The following NDRG2 variants were observed in gnomAD, a reference collection of about 807,000 sequenced individuals.
NDRG2 encodes the protein protein NDRG2.
NDRG2 carries 34 observed loss-of-function variants against 58.2 expected under a neutral mutation model. That is an observed-to-expected ratio of 0.58 (90% confidence interval 0.44 to 0.78). NDRG2 has a LOEUF of 0.78. Ranked by LOEUF, NDRG2 falls within the 30% of genes least tolerant of loss-of-function variation. The pLI, the probability that NDRG2 is intolerant of heterozygous loss-of-function variation, is 0.00. For synonymous variants in NDRG2, 187 were observed against 175.9 expected (o/e 1.06, Z -0.50); for missense variants, 434 against 471.2 (o/e 0.92, Z 0.73).
At position 21,070,109 on chromosome 14, in the gene NDRG2, G is replaced by A. The variant is rs550760223; in HGVS notation, c.24+719C>T. Among the ~76,000 whole-genome samples the A allele has an allele frequency of 6.6e-6, 1 of 152,036 alleles. No individual in the cohort carries two copies. Among genetic ancestry groups the A allele is most frequent in the Non-Finnish European group, 1.5e-5 (1 of 67,916 alleles). ...TGCCGGTGAACGGGACGGATAGGCT[G>A]GGGACGCCCGGGGAACGGCAGAGAT... On this transcript the variant is annotated intron_variant, in intron 1 of 14. Transcript: ENST00000403829. This position sits in a 1 kb window ranked among gnomAD's most constrained non-coding sequence, Gnocchi z 4.7.
chr14:21,030,294 G>A, upstream of NDRG2: 1 of 367,700 alleles, frequency 2.7e-6, no homozygotes, highest in Non-Finnish European at 5.1e-6. Flanking sequence ...CCACCATCCG[G>A]GTACTCTAAG....
In NDRG2 at chr14:21,016,922, C is replaced by T. The variant is rs1485669805; in HGVS notation, c.*674G>A. 1 of 456,566 alleles carries T rather than the reference C, an allele frequency of 2.2e-6. No individual in the cohort carries two copies. The highest frequency in any genetic ancestry group is 6.9e-5 in the East Asian group (1 of 14,404). The allele number at this position is 456,566 out of a possible 1,614,324, so 28.3% of individuals were successfully genotyped here. A position where few individuals can be genotyped will look rare whatever the true frequency, so the allele number is the denominator to read the frequency against. ...AGCCCAGCCCAAGCTTAGCTCCCTC[C>T]CCAGTCCCACTCTAGATGCACACTG... On this transcript the variant is annotated 3_prime_UTR_variant, in exon 16 of 16. Coordinates refer to ENST00000556147, the MANE Select transcript of NDRG2 (RefSeq NM_001320329.2).
chr14:21,027,187 G>C (rs1186635621), upstream of NDRG2, among the ~76,000 whole-genome samples: 4 of 152,142 alleles, frequency 2.6e-5, no homozygotes, highest in African/African-American at 4.8e-5. Context: ...CAGAAGTAAG[G>C]CTGGTTCTCC....
chr14:21,028,167 G>A (rs961217103), upstream of NDRG2, among the ~76,000 whole-genome samples: 3 of 152,166 alleles, frequency 2.0e-5, no homozygotes, highest in African/African-American at 7.2e-5. Flanking sequence ...AGCCTGTCAA[G>A]TGTATAGCAA....
chr14:21,069,034 G>T (rs923103234), intron 1 of NDRG2, among the ~76,000 whole-genome samples: 2 of 152,222 alleles, frequency 1.3e-5, no homozygotes, highest in Non-Finnish European at 2.9e-5. Flanking sequence ...CCAGCTGCAG[G>T]GGCACACGCG....
chr14:21,020,814 T>G lies in NDRG2; in HGVS notation c.438A>C (p.Gly146=). The part of the protein sequence containing the change: ...NFSTIIGVGV[G]AGAYILARYA... The stretch of plus-strand genomic sequence containing the variant: ...ATCTCGCCAGGATGTAGGCTCCAGC[T>G]CCAACACCAACTCCAATTATTGTAG... Residue 146 remains glycine, a synonymous_variant, in exon 7 of 16, where the codon GGA becomes GGC. Coordinates refer to ENST00000556147, the MANE Select transcript of NDRG2 (RefSeq NM_001320329.2). 1 of 1,613,678 alleles carries G rather than the reference T, an allele frequency of 6.2e-7. No individual in the cohort carries two copies. Among genetic ancestry groups the G allele is most frequent in the South Asian group, 1.1e-5 (1 of 90,992 alleles).
intron 1 of NDRG2, chr14:21,036,111 C>A: frequency 2.2e-6 from 1 of 446,706 alleles, no homozygotes. Flanking sequence ...TCAGTATGAG[C>A]CTGAGTCCAT....
At chr14:21,056,981 C>A (rs1221438036) in intron 1 of NDRG2, among the ~76,000 whole-genome samples, 1 of 152,200 alleles carries the variant, frequency 6.6e-6, no homozygotes, top group Non-Finnish European at 1.5e-5. Flanking sequence ...GCGATCCCTT[C>A]ACTAGGAGTG....
Position 21,018,453 on chromosome 14 carries a change from T to C in NDRG2, c.861+4A>G. ...GGACGGGGGCCCAGGAACAGGTTACTGACCTTGAGGAACGAGGTCTGGGTG... is the reference window on the plus strand; with the variant it reads ...GGACGGGGGCCCAGGAACAGGTTACCGACCTTGAGGAACGAGGTCTGGGTG... On this transcript the variant is annotated splice_donor_region_variant and intron_variant, in intron 13 of 15. Transcript: ENST00000556147. The C allele has an allele frequency of 6.2e-7, 1 of 1,613,964 alleles. No individual in the cohort carries two copies. Among genetic ancestry groups the C allele is most frequent in the East Asian group, 2.2e-5 (1 of 44,882 alleles).
chr14:21,070,431 C>G lies in NDRG2; in HGVS notation c.24+397G>C. 46 of 1,400,110 alleles carry G rather than the reference C, an allele frequency of 3.3e-5. No individual in the cohort carries two copies. Among genetic ancestry groups the G allele is most frequent in the Non-Finnish European group, 4.1e-5 (45 of 1,085,858 alleles). The allele number at this position is 1,400,110 out of a possible 1,614,324, so 86.7% of individuals were successfully genotyped here. A position where few individuals can be genotyped will look rare whatever the true frequency, so the allele number is the denominator to read the frequency against. On this transcript the variant is annotated intron_variant, in intron 1 of 14. Coordinates refer to the NDRG2 transcript ENST00000403829. The surrounding 1 kb of genome is among the most constrained non-coding windows in gnomAD (Gnocchi z 4.7). ...CCAGCGTCGCAGCCCCCTGGGTCCCCTCGGCCTTCGCGCAGCCCGCTCCGG... is the reference window on the plus strand; with the variant it reads ...CCAGCGTCGCAGCCCCCTGGGTCCCGTCGGCCTTCGCGCAGCCCGCTCCGG...
At chr14:21,020,968 C>CCTTT in intron 6 of NDRG2, 124 bp from the exon 7 acceptor site, 1 of 1,116,062 alleles carries the variant, frequency 9.0e-7, no homozygotes, top group Non-Finnish European at 1.3e-6. Flanking sequence ...CAGACACGGA[C>CCTTT]CTTTCTTTGG....
At chr14:21,034,300 G>A in intron 1 of NDRG2, 2 of 1,597,104 alleles carry the variant, frequency 1.3e-6, no homozygotes, top group South Asian at 1.1e-5. Flanking sequence ...CCTCCTGCTG[G>A]TAGAGTTAAG....
rs1029121260 is a variant in NDRG2 at position 21,068,137 on chromosome 14, C to T, written c.24+2691G>A. On this transcript the variant is annotated intron_variant, in intron 1 of 14. Transcript: ENST00000403829. Reference sequence around the variant, plus strand: ...GCCTCAGCCTCCCGAGTAGCTGGGACTACAGGCGCCCGCTACCACGCCCGG... The same window carrying T: ...GCCTCAGCCTCCCGAGTAGCTGGGATTACAGGCGCCCGCTACCACGCCCGG... Among the ~76,000 whole-genome samples the T allele has an allele frequency of 7.2e-3, 350 of 48,690 alleles. 109 individuals carry two copies. The highest frequency in any genetic ancestry group is 0.015 in the African/African-American group (340 of 22,452). 31.9% of individuals were successfully genotyped at this position (48,690 alleles called of 152,430 possible).
At chr14:21,051,439 T>C (rs866597891) in intron 1 of NDRG2, among the ~76,000 whole-genome samples, 5 of 152,130 alleles carry the variant, frequency 3.3e-5, no homozygotes, top group African/African-American at 7.2e-5. Flanking sequence ...GTCAGAGGTC[T>C]CAGGAGGGCA....
chr14:21,070,505 C>G lies in NDRG2; in HGVS notation c.24+323G>C, dbSNP rs1886653175. 1 of 1,325,338 alleles carries G rather than the reference C, an allele frequency of 7.5e-7. No homozygotes were observed. The allele number at this position is 1,325,338 out of a possible 1,614,324, so 82.1% of individuals were successfully genotyped here. ...CCTCCCGAGCCTGCCTCGGACTGTTCGGCCCCTCTGGGACTCTCCTCCCTC... is the reference window on the plus strand; with the variant it reads ...CCTCCCGAGCCTGCCTCGGACTGTTGGGCCCCTCTGGGACTCTCCTCCCTC... On this transcript the variant is annotated intron_variant, in intron 1 of 14. Coordinates refer to the NDRG2 transcript ENST00000403829. This position sits in a 1 kb window ranked among gnomAD's most constrained non-coding sequence, Gnocchi z 4.7.
intron 1 of NDRG2, among the ~76,000 whole-genome samples, chr14:21,050,422 G>A (rs751450177): frequency 1.3e-5 from 2 of 152,172 alleles, no homozygotes; most frequent in African/African-American, 2.4e-5. Flanking sequence ...GTGGAGCTCC[G>A]GGTGGGCCTG....
intron 1 of NDRG2, among the ~76,000 whole-genome samples, chr14:21,065,648 A>G (rs1886224670): frequency 6.6e-6 from 1 of 152,242 alleles, no homozygotes; most frequent in African/African-American, 2.4e-5. Flanking sequence ...TGGCCAGGGA[A>G]GAAGACCTTT....
chr14:21,043,487 G>A (rs1214511432), intron 1 of NDRG2: 8 of 1,515,352 alleles, frequency 5.3e-6, no homozygotes, highest in Non-Finnish European at 4.5e-6. Context: ...CTTGCTCTTT[G>A]GCTGACCTTC....
In NDRG2 at chr14:21,019,677, G is replaced by T; in HGVS notation, c.678C>A (p.Asn226Lys). ...KYRNIITHAP[N>K]LDNIELYWNS... ...TCCAGTACAATTCAATGTTATCCAG[G>T]TTGGGTGCATGTGTAATGATATTTC... The change falls in exon 10 of 16, where the codon AAC (asparagine) becomes AAA (lysine). Residue 226 changes from asparagine (N) to lysine (K), a missense_variant. Asn to Lys is a moderately conservative substitution (Grantham distance 94). Transcript: ENST00000556147. The T allele has an allele frequency of 6.2e-7, 1 of 1,613,776 alleles. No homozygotes were observed. Among genetic ancestry groups the T allele is most frequent in the Non-Finnish European group, 8.5e-7 (1 of 1,179,690 alleles).
Sources: allele counts gnomAD v4.1 joint callset (sites outside exome capture counted in the v4.1 genomes callset), GRCh38; gene constraint gnomAD v4.1.1; non-coding constraint Gnocchi (gnomAD v3.1); transcripts MANE v1.5; gene names NCBI Gene and HGNC (gene_info 2026-07-23, HGNC 2026-07-21).